Variants in HPSE2 observed in about 807,000 individuals in gnomAD.
HPSE2 encodes the protein heparanase 2 (inactive).
In HPSE2, 38 loss-of-function variants were observed where a neutral mutation model predicts 60.5. The observed-to-expected ratio is 0.63, with a 90% CI of 0.48 to 0.82. The LOEUF (loss-of-function observed/expected upper bound fraction) is 0.82. Among genes scored for constraint, HPSE2 ranks in the 40% least tolerant of loss-of-function variants. The probability of loss-of-function intolerance (pLI) is 0.00; values close to 1 mark genes in which losing one functional copy is unlikely to be tolerated. For missense variants in HPSE2, 713 were observed against 740.4 expected (o/e 0.96, Z 0.43); for synonymous variants, 295 against 293.2 (o/e 1.01, Z -0.06).
At chr10:98,987,209 A>G (rs980295577) in intron 3 of HPSE2, among the ~76,000 whole-genome samples, 19 of 152,234 alleles carry the variant, frequency 1.2e-4, no homozygotes, top group African/African-American at 4.1e-4. Flanking sequence ...AGAATTTTAG[A>G]CCAATATACC....
At chr10:99,161,463 C>T (rs922726046) in intron 2 of HPSE2, among the ~76,000 whole-genome samples, 6 of 152,040 alleles carry the variant, frequency 3.9e-5, no homozygotes, top group Non-Finnish European at 7.4e-5. Flanking sequence ...CACAAAAAGA[C>T]CACGTATTAT....
intron 9 of HPSE2, among the ~76,000 whole-genome samples, chr10:98,513,739 C>T (rs895595648): frequency 6.6e-6 from 1 of 152,184 alleles, no homozygotes; most frequent in Non-Finnish European, 1.5e-5. Flanking sequence ...GTTTCAACAA[C>T]TTGGAGAGTC....
At chr10:98,947,927 T>C (rs1955238132) in intron 3 of HPSE2, among the ~76,000 whole-genome samples, 1 of 152,144 alleles carries the variant, frequency 6.6e-6, no homozygotes. Context: ...ACAACGTTCC[T>C]GGCCACCCAG....
At chr10:99,219,131 CCTCT>C (rs1367597741) in intron 2 of HPSE2, among the ~76,000 whole-genome samples, 2 of 152,200 alleles carry the variant, frequency 1.3e-5, no homozygotes, top group African/African-American at 2.4e-5. Context: ...ACTCCTCCTC[CCTCT>C]CACTGGGTGC....
chr10:98,458,510 G>C lies in HPSE2; in HGVS notation c.*1064C>G, dbSNP rs1401200756. ...CAAAGTTTTGTTCTAGCTCAAATAG[G>C]CTACTTGGGAAGAGGCAAAAAGGTT... On this transcript the variant is annotated 3_prime_UTR_variant, in exon 12 of 12. Transcript: ENST00000370552. The C allele has an allele frequency of 1.3e-5, 2 of 152,158 alleles. No homozygotes were observed. Among genetic ancestry groups the C allele is most frequent in the Admixed American group, 6.5e-5 (1 of 15,276 alleles). 9.4% of individuals were successfully genotyped at this position (152,158 alleles called of 1,614,324 possible).
chr10:98,475,528 G>A (rs1230111648), intron 11 of HPSE2, among the ~76,000 whole-genome samples: 1 of 152,152 alleles, frequency 6.6e-6, no homozygotes, highest in Admixed American at 6.5e-5. Flanking sequence ...GTGAATGGAT[G>A]AAGAGATATA....
chr10:99,101,982 G>A (rs1844015853), intron 3 of HPSE2, among the ~76,000 whole-genome samples: 1 of 152,194 alleles, frequency 6.6e-6, no homozygotes, highest in East Asian at 1.9e-4. Flanking sequence ...CACATTTAAT[G>A]CAGTGTGTAG....
intron 3 of HPSE2, among the ~76,000 whole-genome samples, chr10:98,805,523 A>G (rs1259906450): frequency 1.3e-5 from 2 of 152,200 alleles, no homozygotes; most frequent in Non-Finnish European, 2.9e-5. Context: ...TACCTCATAA[A>G]TATATACACA....
chr10:99,134,486 C>T (rs1845566915), intron 3 of HPSE2, among the ~76,000 whole-genome samples: 1 of 152,094 alleles, frequency 6.6e-6, no homozygotes, highest in African/African-American at 2.4e-5. Context: ...TTCGGGTTAC[C>T]CACAAAGGGA....
chr10:99,249,694 T>C, the HPSE2 span, among the ~76,000 whole-genome samples: 1 of 152,210 alleles, frequency 6.6e-6, no homozygotes, highest in Non-Finnish European at 1.5e-5. Context: ...CAGAATGATA[T>C]GATTTGGATT....
chr10:98,699,977 T>C (rs952816228), intron 5 of HPSE2, among the ~76,000 whole-genome samples: 39 of 147,650 alleles, frequency 2.6e-4, no homozygotes, highest in Non-Finnish European at 4.6e-4. Flanking sequence ...AAACCACTGC[T>C]CAGTGAAATA....
At chr10:98,580,300 G>C (rs1372291846) in intron 9 of HPSE2, among the ~76,000 whole-genome samples, 2 of 151,640 alleles carry the variant, frequency 1.3e-5, no homozygotes, top group Non-Finnish European at 2.9e-5. Flanking sequence ...TCAACCCAGG[G>C]GCATATTCAG....
intron 9 of HPSE2, among the ~76,000 whole-genome samples, chr10:98,515,086 G>A (rs150160282): frequency 1.3e-5 from 2 of 152,132 alleles, no homozygotes; most frequent in Non-Finnish European, 2.9e-5. Flanking sequence ...TATTGAACTC[G>A]CTGGACTTTC....
At chr10:98,870,397 G>C (rs1020106154) in intron 3 of HPSE2, among the ~76,000 whole-genome samples, 6 of 152,122 alleles carry the variant, frequency 3.9e-5, no homozygotes, top group African/African-American at 1.2e-4. Flanking sequence ...CCTTTAAGAA[G>C]CAGGGTAAAG....
intron 3 of HPSE2, among the ~76,000 whole-genome samples, chr10:98,750,827 T>C (rs1335516952): frequency 1.3e-5 from 2 of 152,064 alleles, no homozygotes; most frequent in Non-Finnish European, 2.9e-5. Context: ...GGTAAATAAT[T>C]TGAGTGGGCA....
At chr10:98,997,673 C>T (rs924191054) in intron 3 of HPSE2, among the ~76,000 whole-genome samples, 4 of 152,162 alleles carry the variant, frequency 2.6e-5, no homozygotes, top group African/African-American at 7.2e-5. Flanking sequence ...AAGTGTTTTA[C>T]AAACCTTCAA....
At chr10:98,820,456 G>C (rs184184164) in intron 3 of HPSE2, among the ~76,000 whole-genome samples, 2 of 152,114 alleles carry the variant, frequency 1.3e-5, no homozygotes, top group African/African-American at 4.8e-5. Flanking sequence ...AAAGGAGATA[G>C]GGGCTGGCAG....
intron 3 of HPSE2, among the ~76,000 whole-genome samples, chr10:99,048,736 C>T (rs1957919203): frequency 6.6e-6 from 1 of 152,016 alleles, no homozygotes; most frequent in Admixed American, 6.6e-5. Flanking sequence ...TAGGTATATA[C>T]CCAAAGGAAA....
At chr10:99,109,045 T>C (rs2135672672) in intron 3 of HPSE2, among the ~76,000 whole-genome samples, 1 of 152,280 alleles carries the variant, frequency 6.6e-6, no homozygotes, top group South Asian at 2.1e-4. Context: ...CTAATGTACT[T>C]ATGGCAACCA....
Sources: allele counts gnomAD v4.1 joint callset (sites outside exome capture counted in the v4.1 genomes callset), GRCh38; gene constraint gnomAD v4.1.1; transcripts MANE v1.5; gene names NCBI Gene and HGNC (gene_info 2026-07-23, HGNC 2026-07-21).